The following GABRR1 variants were observed in gnomAD, a reference collection of about 807,000 sequenced individuals.
The protein encoded by GABRR1 is gamma-aminobutyric acid type A receptor subunit rho1.
A neutral mutation model predicts 55.5 loss-of-function variants in GABRR1; 59 were observed. The ratio of observed to expected loss-of-function variants is 1.06; its 90% CI spans 0.86 to 1.32. The LOEUF (loss-of-function observed/expected upper bound fraction) is 1.32. Ranked by LOEUF, GABRR1 falls within the 40% of genes most tolerant of loss-of-function variation. The probability of loss-of-function intolerance (pLI) is 0.00; values close to 1 mark genes in which losing one functional copy is unlikely to be tolerated. For missense variants in GABRR1, 602 were observed against 619.1 expected, an observed-to-expected ratio of 0.97 and a Z score of 0.29; for synonymous variants, 213 against 226.0, an observed-to-expected ratio of 0.94 and a Z score of 0.51.
At chr6:89,191,724 G>T (rs1225700066) in intron 5 of GABRR1, among the ~76,000 whole-genome samples, 1 of 152,150 alleles carries the variant, frequency 6.6e-6, no homozygotes, top group African/African-American at 2.4e-5. Context: ...AACTTGGCAG[G>T]TCCCGTGGCT....
In GABRR1 at chr6:89,203,446, G is replaced by A. The variant is rs376999799; in HGVS notation, c.162C>T (p.His54=). The change falls in exon 2 of 10, where the codon CAC becomes CAT. Residue 54 remains histidine, a synonymous_variant. Transcript: ENST00000454853. The part of the protein sequence containing the change: ...RQRREVHEDA[H]KQVSPILRRS... The stretch of plus-strand genomic sequence containing the variant: ...GCTTATGGCCATACCTGACTTGCTT[G>A]TGGGCATCTTCATGTACTTCTCGTC... 3.0e-5 allele frequency: 49 copies of A among 1,613,228 alleles called. No homozygotes were observed. In the African/African-American group the frequency reaches 5.3e-4, roughly 18 times the overall value.
rs762234427 is a variant in GABRR1 at position 89,185,333 on chromosome 6, T to C, written c.773A>G (p.Lys258Arg). ...FLIQEFHTTTKLAFYSSTGWY... is the reference protein window; with the variant it reads ...FLIQEFHTTTRLAFYSSTGWY... ...ACCTGTGCTGCTGTAGAAAGCCAGT[T>C]TGGTGGTGGTGTGGAATTCCTGAAT... The change falls in exon 7 of 10, where the codon AAA becomes AGA. Residue 258 changes from lysine (K) to arginine (R), a missense_variant. Around this residue, in one of 3 missense-constraint regions of GABRR1, gnomAD observed 435 missense variants for 424.2 expected, o/e 1.03. Coordinates refer to ENST00000454853, the MANE Select transcript of GABRR1 (RefSeq NM_002042.5). 2.8e-5 allele frequency: 45 copies of C among 1,613,750 alleles called. No individual in the cohort carries two copies. Among genetic ancestry groups the C allele is most frequent in the Middle Eastern group, 1.6e-4 (1 of 6,080 alleles).
At chr6:89,204,939 T>C (rs191137189) in intron 1 of GABRR1, among the ~76,000 whole-genome samples, 48 of 152,298 alleles carry the variant, frequency 3.2e-4, no homozygotes, top group South Asian at 1.2e-3. Context: ...TAATATATCA[T>C]GGAATTTTTT....
chr6:89,205,668 G>A (rs1772617866), intron 1 of GABRR1: 3 of 152,364 alleles, frequency 2.0e-5, no homozygotes, highest in Admixed American at 2.0e-4. Flanking sequence ...TTGTGATGAG[G>A]GAGGTCTGCT....
chr6:89,203,288 C>T, intron 2 of GABRR1, 147 bp downstream of exon 2: 1 of 758,318 alleles, frequency 1.3e-6, no homozygotes, highest in Non-Finnish European at 2.3e-6. Context: ...CTGCCGTCTC[C>T]TTTCAGGCTC....
Position 89,227,379 on chromosome 6 carries a change from T to C in GABRR1, c.-411+3837A>G, listed in dbSNP as rs1170347303. On this transcript the variant is annotated intron_variant, in intron 1 of 11. Coordinates refer to the GABRR1 transcript ENST00000369451. Reference sequence around the variant, plus strand: ...GGGAATGCTTCCAGTTTTTGCCCATTCAGTATGGTATTGGCTGTGGGTGTC... The same window carrying C: ...GGGAATGCTTCCAGTTTTTGCCCATCCAGTATGGTATTGGCTGTGGGTGTC... 5.5e-5 allele frequency among the ~76,000 whole-genome samples: 3 copies of C among 54,346 alleles called. 1 individual carries two copies. Among genetic ancestry groups the C allele is most frequent in the Non-Finnish European group, 1.0e-4 (3 of 29,276 alleles). The allele number at this position is 54,346 out of a possible 152,430, so 35.7% of individuals were successfully genotyped here.
intron 1 of GABRR1, among the ~76,000 whole-genome samples, chr6:89,214,371 C>T (rs1772924614): frequency 6.6e-6 from 1 of 150,760 alleles, no homozygotes; most frequent in Admixed American, 6.6e-5. Flanking sequence ...ACTCCAAAAG[C>T]TTGGGCAACA....
In GABRR1 at chr6:89,189,405, G is replaced by A. The variant is rs983482307; in HGVS notation, c.655+760C>T. 5.6e-5 allele frequency among the ~76,000 whole-genome samples: 8 copies of A among 142,986 alleles called. No homozygotes were observed. The East Asian group carries it at 1.0e-3, about 18-fold the overall frequency. 93.8% of individuals were successfully genotyped at this position (142,986 alleles called of 152,430 possible). ...AAACCATCATTCTCAGTAAACTATCGCAAGAACAAAAAACCAAACACCGCA... is the reference window on the plus strand; with the variant it reads ...AAACCATCATTCTCAGTAAACTATCACAAGAACAAAAAACCAAACACCGCA... On this transcript the variant is annotated intron_variant, in intron 6 of 9. Transcript: ENST00000454853.
At chr6:89,209,937 T>A (rs937587640) in intron 1 of GABRR1, among the ~76,000 whole-genome samples, 4 of 152,182 alleles carry the variant, frequency 2.6e-5, no homozygotes, top group African/African-American at 9.7e-5. Flanking sequence ...GACATTCAAC[T>A]GTTTGTGACG....
Position 89,178,904 on chromosome 6 carries a change from G to C in GABRR1, c.1306C>G (p.Pro436Ala). 1 of 1,614,114 alleles carries C rather than the reference G, an allele frequency of 6.2e-7. No homozygotes were observed. The highest frequency in any genetic ancestry group is 1.3e-5 in the African/African-American group (1 of 75,018). ...QLTLASERSS[P>A]QRKSQRSSYV... ...CTGCTTCTCTGACTTTTCCTCTGTGGGGAGCTCCTCTCTGAGGCCAGGGTC... is the reference window on the plus strand; with the variant it reads ...CTGCTTCTCTGACTTTTCCTCTGTGCGGAGCTCCTCTCTGAGGCCAGGGTC... The change falls in exon 10 of 10, where the codon CCA becomes GCA. Residue 436 changes from proline to alanine, a missense_variant. Physicochemically the swap from Pro to Ala is conservative, Grantham distance 27 (BLOSUM62 -1). Coordinates refer to ENST00000454853, the MANE Select transcript of GABRR1 (RefSeq NM_002042.5).
chr6:89,193,725 G>A (rs1196811355), intron 5 of GABRR1, among the ~76,000 whole-genome samples: 1 of 152,014 alleles, frequency 6.6e-6, no homozygotes, highest in Non-Finnish European at 1.5e-5. Flanking sequence ...CCAAAATCGT[G>A]GCATAAAGGC....
chr6:89,200,850 A>G (rs922447543), intron 3 of GABRR1, among the ~76,000 whole-genome samples: 2 of 152,188 alleles, frequency 1.3e-5, no homozygotes, highest in Non-Finnish European at 2.9e-5. Flanking sequence ...AGGAGGCCGC[A>G]TTGGGCTGCA....
upstream of GABRR1, among the ~76,000 whole-genome samples, chr6:89,221,643 T>TG (rs970496996): frequency 2.0e-5 from 3 of 152,152 alleles, no homozygotes; most frequent in African/African-American, 7.2e-5. Context: ...TTGGAATCCT[T>TG]GGGGTCCTGG....
chr6:89,229,969 T>A (rs1773256904), intron 1 of GABRR1, among the ~76,000 whole-genome samples: 1 of 97,020 alleles, frequency 1.0e-5, no homozygotes, highest in Non-Finnish European at 2.1e-5. Flanking sequence ...TTTCTTTTTA[T>A]TCTTTTTTCT....
chr6:89,206,784 T>TA (rs1283288792), intron 1 of GABRR1, among the ~76,000 whole-genome samples: 17 of 68,412 alleles, frequency 2.5e-4, no homozygotes, highest in African/African-American at 3.6e-4. Context: ...CCCAGCTAAT[T>TA]TAAAAAAAAA....
At chr6:89,222,120 G>A (rs989308641), upstream of GABRR1, among the ~76,000 whole-genome samples, 1 of 152,198 alleles carries the variant, frequency 6.6e-6, no homozygotes, top group African/African-American at 2.4e-5. Flanking sequence ...AAGTGACATA[G>A]GAGCTGCACT....
chr6:89,183,416 A>C (rs960208283), intron 7 of GABRR1, among the ~76,000 whole-genome samples: 1 of 152,208 alleles, frequency 6.6e-6, no homozygotes, highest in Non-Finnish European at 1.5e-5. Context: ...TTGTAGTGCT[A>C]TGTTGGTGCT....
chr6:89,197,304 A>C (rs454461), intron 5 of GABRR1, among the ~76,000 whole-genome samples: 88,522 of 151,650 alleles, frequency 0.58, 26,329 homozygotes, highest in East Asian at 0.93. Flanking sequence ...ACCGTCCACA[A>C]AGCACAAGAG....
intron 1 of GABRR1, among the ~76,000 whole-genome samples, chr6:89,205,224 A>T (rs1772605425): frequency 6.6e-6 from 1 of 152,206 alleles, no homozygotes; most frequent in South Asian, 2.1e-4. Flanking sequence ...AGTCAGAGCC[A>T]GGGGTTCTGG....
Sources: gnomAD v4.1 joint callset for allele counts (sites outside exome capture counted in the v4.1 genomes callset) on GRCh38, gnomAD v4.1.1 for gene constraint, gnomAD v4.1.1 regional missense constraint, MANE v1.5 for transcripts, NCBI Gene and HGNC (gene_info 2026-07-23, HGNC 2026-07-21) for gene names.